The following USP45 variants were observed in gnomAD, a reference collection of about 807,000 sequenced individuals.
USP45 encodes ubiquitin specific peptidase 45.
A neutral mutation model predicts 95.8 loss-of-function variants in USP45; 89 were observed. The observed-to-expected ratio is 0.93, with a 90% CI of 0.78 to 1.11. The LOEUF (loss-of-function observed/expected upper bound fraction) is 1.11. USP45 is among the 50% of genes least tolerant of loss of function. The probability of loss-of-function intolerance (pLI) is 0.00; values close to 1 mark genes in which losing one functional copy is unlikely to be tolerated. For synonymous variants in USP45, 281 were observed against 316.2 expected, an observed-to-expected ratio of 0.89 and a Z score of 1.18; for missense variants, 898 against 942.5, an observed-to-expected ratio of 0.95 and a Z score of 0.62.
chr6:99,503,044 A>G (rs760784679), intron 5 of USP45, among the ~76,000 whole-genome samples: 3 of 152,244 alleles, frequency 2.0e-5, no homozygotes, highest in Non-Finnish European at 4.4e-5. Context: ...AGACTAATAC[A>G]GGTACTATGC....
intron 9 of USP45, among the ~76,000 whole-genome samples, chr6:99,471,101 A>G (rs1206408221): frequency 1.3e-5 from 2 of 152,188 alleles, no homozygotes; most frequent in African/African-American, 4.8e-5. Flanking sequence ...TACATTATTA[A>G]CTTTTAAATA....
Position 99,439,811 on chromosome 6 carries a change from T to C in USP45, c.2118A>G (p.Pro706=). 2 of 1,608,326 alleles carry C rather than the reference T, an allele frequency of 1.2e-6. No homozygotes were observed. Among genetic ancestry groups the C allele is most frequent in the Non-Finnish European group, 1.7e-6 (2 of 1,176,900 alleles). The part of the protein sequence containing the change: ...LRKVNRHVDF[P]LMLDLAPFCS... ...AGAATGGTGCTAAATCGAGCATAAG[T>C]GGAAAATCTACATGTCTGTTTACTT... The change falls in exon 16 of 18, where the codon CCA becomes CCG. Residue 706 remains proline (P), a synonymous_variant. Coordinates refer to ENST00000500704, the MANE Select transcript of USP45 (RefSeq NM_001346022.3).
In USP45 at chr6:99,508,763, A is replaced by G; in HGVS notation, c.120T>C (p.His40=). Residue 40 remains histidine (H), a synonymous_variant, in exon 3 of 18, where the codon CAT becomes CAC. Coordinates refer to ENST00000500704, the MANE Select transcript of USP45 (RefSeq NM_001346022.3). ...DDIAVGLTCQ[H]VSHAISVNHV... The stretch of plus-strand genomic sequence containing the variant: ...GATTCACGCTGATAGCATGACTTAC[A>G]TGTTGGCAAGTTAAACCTACTGAAT... 1.2e-6 allele frequency: 2 copies of G among 1,611,378 alleles called. No homozygotes were observed. Among genetic ancestry groups the G allele is most frequent in the Non-Finnish European group, 1.7e-6 (2 of 1,179,272 alleles).
rs780122838 is a variant in USP45 at position 99,503,859 on chromosome 6, A to G, written c.384T>C (p.Tyr128=). ...GCGTTGATAATTTTTCATCACATTC[A>G]TAACACCTGAAAAAGTATAAAATTT... is the stretch of plus-strand genomic sequence containing the variant. ...INLSTWIIWC[Y]ECDEKLSTHC... Residue 128 remains tyrosine (Y), a synonymous_variant, in exon 5 of 18, where the codon TAT becomes TAC. Transcript: ENST00000500704. 2.4e-5 allele frequency: 38 copies of G among 1,568,342 alleles called. No individual in the cohort carries two copies. The highest frequency in any genetic ancestry group is 2.8e-5 in the Non-Finnish European group (33 of 1,158,198).
chr6:99,482,845 C>T lies in USP45; in HGVS notation c.753G>A (p.Leu251=). 6.3e-7 allele frequency: 1 copy of T among 1,599,122 alleles called. No homozygotes were observed. The highest frequency in any genetic ancestry group is 8.5e-7 in the Non-Finnish European group (1 of 1,172,454). The change falls in exon 8 of 18, where the codon CTG becomes CTA. Residue 251 remains leucine (L), a synonymous_variant. Transcript: ENST00000500704. ...GAAGAAACAGGAACAAGGCTGAGGT[C>T]AGTGGTCCAGGCCTTGAAAGTTCCA... The part of the protein sequence containing the change: ...LVVELSRPGP[L]TSALFLFLHS...
chr6:99,444,762 C>T (rs972327413), intron 14 of USP45, among the ~76,000 whole-genome samples: 35 of 152,280 alleles, frequency 2.3e-4, no homozygotes, highest in African/African-American at 8.2e-4. Flanking sequence ...AGGCTCCTGC[C>T]CATGTTTTCC....
At chr6:99,467,381 C>G (rs911038862) in intron 10 of USP45, among the ~76,000 whole-genome samples, 12 of 152,240 alleles carry the variant, frequency 7.9e-5, no homozygotes, top group African/African-American at 2.9e-4. Flanking sequence ...GCTATTCTCT[C>G]TACTTTAATA....
At chr6:99,464,488 CA>C in intron 13 of USP45, 115 bp downstream of exon 13, 4 of 1,158,978 alleles carry the variant, frequency 3.5e-6, no homozygotes, top group Non-Finnish European at 4.7e-6. Flanking sequence ...ATTATGAAGC[CA>C]AAAAATGGGT....
intron 13 of USP45, chr6:99,461,917 G>C: frequency 1.6e-5 from 16 of 985,204 alleles, no homozygotes; most frequent in Non-Finnish European, 1.9e-5. Context: ...GTTAACTACT[G>C]AATCATTCTG....
rs1399662616 is a variant in USP45 at position 99,503,753 on chromosome 6, C to T, written c.478+12G>A. On this transcript the variant is annotated intron_variant, in intron 5 of 17. Coordinates refer to ENST00000500704, the MANE Select transcript of USP45 (RefSeq NM_001346022.3). ...TTTTAACACAGATTCCTTTAGTCAT[C>T]GCTTAACTTACTTGTTTGTGTTTTA... The T allele has an allele frequency of 2.6e-6, 4 of 1,535,104 alleles. No homozygotes were observed. The highest frequency in any genetic ancestry group is 3.7e-5 in the Admixed American group (2 of 53,810).
intron 12 of USP45, 82 bp from the exon 13 acceptor site, chr6:99,464,829 C>A: frequency 7.1e-7 from 1 of 1,399,898 alleles, no homozygotes; most frequent in South Asian, 1.5e-5. Context: ...TTTTGACTGA[C>A]TTGAAATACA....
intron 14 of USP45, among the ~76,000 whole-genome samples, chr6:99,444,840 C>T (rs529633760): frequency 6.6e-6 from 1 of 152,270 alleles, no homozygotes; most frequent in South Asian, 2.1e-4. Context: ...ATGGTGGGCC[C>T]CCACTTCTTG....
At chr6:99,471,040 A>G (rs1490818623) in intron 9 of USP45, among the ~76,000 whole-genome samples, 2 of 152,214 alleles carry the variant, frequency 1.3e-5, no homozygotes, top group Admixed American at 6.5e-5. Flanking sequence ...GCAGCAGGAA[A>G]AAAGCTAAAA....
At chr6:99,494,509 A>G (rs1795873335) in intron 5 of USP45, among the ~76,000 whole-genome samples, 1 of 152,176 alleles carries the variant, frequency 6.6e-6, no homozygotes, top group South Asian at 2.1e-4. Flanking sequence ...CTTGTCTAAG[A>G]ACTTTAAAAA....
rs1220483976 is a variant in USP45, at chr6:99,503,803, ACTAT to A, written c.436_439del (p.Ile146LeufsTer20). On this transcript the variant is annotated frameshift_variant, in exon 5 of 18. Transcript: ENST00000500704. LOFTEE classifies it high-confidence loss of function. The stretch of plus-strand genomic sequence containing the variant: ...AGAAGCATGTTTCTGGAGAAAATCA[ACTAT>A]CTGAGCCAAAACCTTCTTATTACAA... 6.2e-7 allele frequency: 1 copy of A among 1,602,780 alleles called. No individual in the cohort carries two copies. Among genetic ancestry groups the A allele is most frequent in the African/African-American group, 1.3e-5 (1 of 74,704 alleles).
intron 5 of USP45, among the ~76,000 whole-genome samples, chr6:99,498,973 G>A (rs545139941): frequency 1.3e-5 from 2 of 152,218 alleles, no homozygotes; most frequent in African/African-American, 4.8e-5. Flanking sequence ...GCCAAGTCTC[G>A]TTGTGTTGCC....
At chr6:99,449,167 C>T (rs1051987390) in intron 13 of USP45, among the ~76,000 whole-genome samples, 10 of 152,122 alleles carry the variant, frequency 6.6e-5, no homozygotes, top group African/African-American at 2.4e-4. Flanking sequence ...TCACACATAA[C>T]AATATTAACC....
intron 13 of USP45, chr6:99,462,618 T>C: frequency 1.0e-6 from 1 of 985,398 alleles, no homozygotes; most frequent in Non-Finnish European, 1.2e-6. Flanking sequence ...AAATTAGCTT[T>C]TATTTATAGA....
At chr6:99,507,367 G>GC in intron 4 of USP45, 61 bp downstream of exon 4, 2 of 790,816 alleles carry the variant, frequency 2.5e-6, no homozygotes, top group Non-Finnish European at 1.9e-6. Context: ...AAAGCTTAAA[G>GC]AAAAAAAAAA....
Sources: allele counts gnomAD v4.1 joint callset (sites outside exome capture counted in the v4.1 genomes callset), GRCh38; gene constraint gnomAD v4.1.1; transcripts MANE v1.5; gene names NCBI Gene and HGNC (gene_info 2026-07-23, HGNC 2026-07-21).